Variants in SAMD4A observed in about 807,000 individuals in gnomAD.
SAMD4A encodes protein Smaug homolog 1.
A neutral mutation model predicts 81.3 loss-of-function variants in SAMD4A; 33 were observed. The ratio of observed to expected loss-of-function variants is 0.41; its 90% confidence interval spans 0.31 to 0.54. SAMD4A has a LOEUF of 0.54. Ranked by LOEUF, SAMD4A falls within the 20% of genes least tolerant of loss-of-function variation. The probability of loss-of-function intolerance (pLI) is 0.37; values close to 1 mark genes in which losing one functional copy is unlikely to be tolerated. For missense variants in SAMD4A, 854 were observed against 951.1 expected (o/e 0.90, Z 1.34); for synonymous variants, 389 against 382.1 (o/e 1.02, Z -0.21).
intron 2 of SAMD4A, among the ~76,000 whole-genome samples, chr14:54,592,564 A>G (rs2033807849): frequency 6.6e-6 from 1 of 152,048 alleles, no homozygotes; most frequent in Admixed American, 6.6e-5. Flanking sequence ...GGTTCACGCC[A>G]TTCTCCTGCC....
At chr14:54,718,554 T>G (rs199895476) in intron 3 of SAMD4A, among the ~76,000 whole-genome samples, 12 of 134,838 alleles carry the variant, frequency 8.9e-5, no homozygotes, top group East Asian at 7.1e-4. Context: ...TTTTGGGTTT[T>G]TTGTTGTTGT....
At chr14:54,697,979 G>T (rs1210240128) in intron 2 of SAMD4A, among the ~76,000 whole-genome samples, 2 of 152,168 alleles carry the variant, frequency 1.3e-5, no homozygotes, top group Non-Finnish European at 2.9e-5. Context: ...AGTACTCGGA[G>T]ACAGCAAGGG....
chr14:54,587,831 T>C (rs994471565), intron 2 of SAMD4A, among the ~76,000 whole-genome samples: 1 of 152,208 alleles, frequency 6.6e-6, no homozygotes, highest in Non-Finnish European at 1.5e-5. Context: ...TCATCAGGGA[T>C]ATTGGTCTGT....
rs140875623 is a variant in SAMD4A, at chr14:54,664,810, AACACACAC to A, written c.197-37219_197-37212del. Reference sequence around the variant, plus strand: ...TAAATATGTTTAATTATGTGAATCCAACACACACACACACACACACACACACACACACA... The same window carrying A: ...TAAATATGTTTAATTATGTGAATCCAACACACACACACACACACACACACA... On this transcript the variant is annotated intron_variant, in intron 2 of 12. Transcript: ENST00000554335. Among the ~76,000 whole-genome samples the A allele has an allele frequency of 5.8e-3, 825 of 141,760 alleles. 6 individuals are homozygous for A. The highest frequency in any genetic ancestry group is 0.019 in the African/African-American group (752 of 38,750). The allele number at this position is 141,760 out of a possible 152,430, so 93.0% of individuals were successfully genotyped here.
intron 2 of SAMD4A, among the ~76,000 whole-genome samples, chr14:54,603,713 T>G (rs1449127967): frequency 6.6e-6 from 1 of 152,170 alleles, no homozygotes; most frequent in Non-Finnish European, 1.5e-5. Flanking sequence ...CTTATAGTTC[T>G]TTTACATTTG....
chr14:54,757,406 TGTGTGTGTGTGTGTGTG>T (rs2038271293), intron 6 of SAMD4A, among the ~76,000 whole-genome samples: 2 of 147,672 alleles, frequency 1.4e-5, no homozygotes, highest in South Asian at 4.5e-4. Flanking sequence ...TGTGTGTGTG[TGTGTGTGTGTGTGTGTG>T]TGTGTTTTGT....
At chr14:54,740,169 A>C (rs1295802658) in intron 4 of SAMD4A, among the ~76,000 whole-genome samples, 1 of 152,244 alleles carries the variant, frequency 6.6e-6, no homozygotes, top group Non-Finnish European at 1.5e-5. Context: ...GTGAGACTCC[A>C]TCTCAAATAA....
chr14:54,770,263 C>A, intron 9 of SAMD4A, 41 bp downstream of exon 9: 1 of 1,384,646 alleles, frequency 7.2e-7, no homozygotes, highest in South Asian at 1.2e-5. Flanking sequence ...TAGTGGTTCC[C>A]CTGGCGCCTT....
intron 2 of SAMD4A, among the ~76,000 whole-genome samples, chr14:54,636,353 G>C (rs544200014): frequency 6.6e-6 from 1 of 152,308 alleles, no homozygotes; most frequent in East Asian, 1.9e-4. Flanking sequence ...GGTAAGTGGT[G>C]GTGGGGGAGT....
At chr14:54,594,989 T>C (rs1376120905) in intron 2 of SAMD4A, among the ~76,000 whole-genome samples, 1 of 152,230 alleles carries the variant, frequency 6.6e-6, no homozygotes, top group Non-Finnish European at 1.5e-5. Context: ...ATGACATTTT[T>C]GCAATGTGAA....
chr14:54,778,430 C>T (rs553867949), intron 11 of SAMD4A, among the ~76,000 whole-genome samples: 3 of 152,342 alleles, frequency 2.0e-5, no homozygotes, highest in Non-Finnish European at 4.4e-5. Context: ...ACTCTTCATG[C>T]AAACCCTCTT....
intron 4 of SAMD4A, among the ~76,000 whole-genome samples, chr14:54,739,694 C>A (rs926243698): frequency 1.3e-5 from 2 of 152,172 alleles, no homozygotes; most frequent in African/African-American, 4.8e-5. Context: ...AAATGTCCCT[C>A]CCCAGCCTTG....
chr14:54,742,171 A>G (rs75039398), intron 4 of SAMD4A, among the ~76,000 whole-genome samples: 2,372 of 152,160 alleles, frequency 0.016, 59 homozygotes, highest in African/African-American at 0.054. Flanking sequence ...ATAGAGACAA[A>G]GGAGTATTCG....
At chr14:54,662,161 C>G (rs1056021599) in intron 2 of SAMD4A, among the ~76,000 whole-genome samples, 20 of 152,226 alleles carry the variant, frequency 1.3e-4, no homozygotes, top group African/African-American at 4.8e-4. Flanking sequence ...GGGTTTTGAT[C>G]GCTTAGTTAC....
intron 2 of SAMD4A, among the ~76,000 whole-genome samples, chr14:54,629,909 A>G (rs1017804620): frequency 6.6e-6 from 1 of 152,202 alleles, no homozygotes; most frequent in African/African-American, 2.4e-5. Flanking sequence ...TAGATACCTC[A>G]TATAAGTGGA....
intron 11 of SAMD4A, chr14:54,784,169 G>T (rs934069706): frequency 1.5e-5 from 9 of 601,824 alleles, no homozygotes; most frequent in Admixed American, 2.8e-5. Flanking sequence ...GCAGAGGAAG[G>T]AGAGAGCTGT....
chr14:54,736,983 A>AG (rs747740201), intron 3 of SAMD4A, 41 bp from the exon 4 acceptor site: 388 of 1,600,532 alleles, frequency 2.4e-4, no homozygotes, highest in African/African-American at 4.4e-4. Context: ...CCCAGGATAA[A>AG]GGGGGGGGAA....
In SAMD4A at chr14:54,791,251, G is replaced by T. The variant is rs1232997281; in HGVS notation, c.*2307G>T. The T allele has an allele frequency of 6.6e-6, 1 of 152,198 alleles. No individual in the cohort carries two copies. Among genetic ancestry groups the T allele is most frequent in the Non-Finnish European group, 1.5e-5 (1 of 68,044 alleles). The allele number at this position is 152,198 out of a possible 1,614,324, so 9.4% of individuals were successfully genotyped here. The stretch of plus-strand genomic sequence containing the variant: ...CGAATGTGGGTTTGTAGGATACTGA[G>T]AAAGTGAATAAAGAGGAGAAAAAAC... On this transcript the variant is annotated 3_prime_UTR_variant, in exon 13 of 13. Transcript: ENST00000554335.
At chr14:54,746,954 C>T (rs1245912872) in intron 4 of SAMD4A, among the ~76,000 whole-genome samples, 2 of 152,208 alleles carry the variant, frequency 1.3e-5, no homozygotes, top group Non-Finnish European at 2.9e-5. Flanking sequence ...GAAGCATTAG[C>T]ATTATTTCAG....
Sources: gnomAD v4.1 joint callset for allele counts (sites outside exome capture counted in the v4.1 genomes callset) on GRCh38, gnomAD v4.1.1 for gene constraint, MANE v1.5 for transcripts, NCBI Gene and HGNC (gene_info 2026-07-23, HGNC 2026-07-21) for gene names.